EXOC6B: variants seen among roughly 807,000 people sequenced by gnomAD.
The protein encoded by EXOC6B is exocyst complex component 6B, also known as SEC15 homolog B.
EXOC6B carries 54 observed loss-of-function variants against 113.5 expected under a neutral mutation model. That is an observed-to-expected ratio of 0.48 (90% CI 0.38 to 0.60). The LOEUF (loss-of-function observed/expected upper bound fraction) is 0.60. Among genes scored for constraint, EXOC6B ranks in the 20% least tolerant of loss-of-function variants. EXOC6B has a pLI of 0.00. For synonymous variants in EXOC6B, 357 were observed against 339.0 expected (o/e 1.05, Z -0.58); for missense variants, 797 against 977.5 (o/e 0.82, Z 2.46).
intron 20 of EXOC6B, among the ~76,000 whole-genome samples, chr2:72,222,372 G>A (rs935620402): frequency 2.6e-5 from 4 of 152,146 alleles, no homozygotes; most frequent in African/African-American, 9.7e-5. Context: ...TGTTTTTTGT[G>A]TAGACCACAA....
chr2:72,755,011 G>A (rs975959685), intron 1 of EXOC6B, among the ~76,000 whole-genome samples: 3 of 152,084 alleles, frequency 2.0e-5, no homozygotes, highest in Non-Finnish European at 2.9e-5. Flanking sequence ...TTGATAAGGA[G>A]TGTATGATAA....
At position 72,807,906 on chromosome 2, in the gene EXOC6B, T is replaced by C. The variant is rs559456926; in HGVS notation, c.113+17892A>G. Among the ~76,000 whole-genome samples the C allele has an allele frequency of 4.6e-5, 7 of 152,220 alleles. No individual in the cohort carries two copies. In the South Asian group the frequency reaches 1.0e-3, roughly 23 times the overall value. On this transcript the variant is annotated intron_variant, in intron 1 of 21. Transcript: ENST00000272427. Reference sequence around the variant, plus strand: ...ATTTAATAGCACAACAGGATGACTATAGTCAATAATAATTTAACTGTACAT... The same window carrying C: ...ATTTAATAGCACAACAGGATGACTACAGTCAATAATAATTTAACTGTACAT...
At position 72,733,052 on chromosome 2, in the gene EXOC6B, A is replaced by G; in HGVS notation, c.327+19T>C. 1.3e-6 allele frequency: 2 copies of G among 1,557,454 alleles called. No individual in the cohort carries two copies. Among genetic ancestry groups the G allele is most frequent in the South Asian group, 2.3e-5 (2 of 85,980 alleles). On this transcript the variant is annotated intron_variant, in intron 3 of 21. Coordinates refer to ENST00000272427, the MANE Select transcript of EXOC6B (RefSeq NM_015189.3). ...GCATGAAACAGAAAAGATTTCTTCA[A>G]AAGGTAAACTGGTCTTACTTCCTTT...
At chr2:72,470,424 A>C (rs1698325809) in intron 17 of EXOC6B, among the ~76,000 whole-genome samples, 1 of 151,896 alleles carries the variant, frequency 6.6e-6, no homozygotes, top group Non-Finnish European at 1.5e-5. Flanking sequence ...TTGTATGTTG[A>C]TTTTATATCC....
chr2:72,559,360 T>A, intron 8 of EXOC6B, 93 bp downstream of exon 8: 1 of 854,974 alleles, frequency 1.2e-6, no homozygotes, highest in Non-Finnish European at 1.7e-6. Context: ...TTTTTCACTC[T>A]TAATAATAAA....
intron 6 of EXOC6B, among the ~76,000 whole-genome samples, chr2:72,681,546 C>T (rs552630302): frequency 1.3e-5 from 2 of 152,252 alleles, no homozygotes. Flanking sequence ...TTTATAGCAG[C>T]TCTTAGCCAC....
At chr2:72,769,157 C>T (rs533737796) in intron 1 of EXOC6B, among the ~76,000 whole-genome samples, 1 of 152,246 alleles carries the variant, frequency 6.6e-6, no homozygotes, top group South Asian at 2.1e-4. Flanking sequence ...GAAATACAGA[C>T]ATTATTCATA....
chr2:72,638,579 C>A (rs1406278513), intron 6 of EXOC6B, among the ~76,000 whole-genome samples: 3 of 152,176 alleles, frequency 2.0e-5, no homozygotes, highest in Non-Finnish European at 2.9e-5. Context: ...TCCTGGCCCA[C>A]AATAGCCCCA....
intron 20 of EXOC6B, among the ~76,000 whole-genome samples, chr2:72,292,340 C>T (rs1685850304): frequency 6.6e-6 from 1 of 152,020 alleles, no homozygotes; most frequent in Non-Finnish European, 1.5e-5. Flanking sequence ...AATATAATTT[C>T]TGTTCTGAAA....
intron 8 of EXOC6B, among the ~76,000 whole-genome samples, chr2:72,521,817 C>G (rs1011857423): frequency 6.6e-6 from 1 of 152,144 alleles, no homozygotes; most frequent in Non-Finnish European, 1.5e-5. Flanking sequence ...CTGCCTCAGC[C>G]TCCTGAGTAG....
At chr2:72,389,863 T>A (rs1217079445) in intron 18 of EXOC6B, among the ~76,000 whole-genome samples, 1 of 152,182 alleles carries the variant, frequency 6.6e-6, no homozygotes, top group South Asian at 2.1e-4. Context: ...CTTTCAAAAA[T>A]TTTTAGTCAC....
At chr2:72,527,438 C>A (rs750775349) in intron 8 of EXOC6B, among the ~76,000 whole-genome samples, 44 of 151,950 alleles carry the variant, frequency 2.9e-4, no homozygotes, top group Non-Finnish European at 5.0e-4. Context: ...AGGTATTTAA[C>A]AATTCACCTG....
chr2:72,345,053 T>C (rs1200764926), intron 19 of EXOC6B, among the ~76,000 whole-genome samples: 2 of 152,060 alleles, frequency 1.3e-5, no homozygotes, highest in Non-Finnish European at 2.9e-5. Flanking sequence ...TAAGCTGCTT[T>C]GGGAACACAC....
At chr2:72,647,759 C>T (rs1573551072) in intron 6 of EXOC6B, among the ~76,000 whole-genome samples, 1 of 152,290 alleles carries the variant, frequency 6.6e-6, no homozygotes, top group East Asian at 1.9e-4. Context: ...CCCTTTCTTA[C>T]ACCTTATACA....
At chr2:72,794,583 G>A (rs1684845443) in intron 1 of EXOC6B, among the ~76,000 whole-genome samples, 1 of 152,174 alleles carries the variant, frequency 6.6e-6, no homozygotes, top group Non-Finnish European at 1.5e-5. Context: ...GATAGATTAT[G>A]ATCAAACCAG....
intron 8 of EXOC6B, among the ~76,000 whole-genome samples, chr2:72,552,625 A>C (rs1177521806): frequency 1.3e-5 from 2 of 152,130 alleles, no homozygotes; most frequent in Admixed American, 1.3e-4. Context: ...AAAAATAAAA[A>C]ATAAAGCAAC....
intron 16 of EXOC6B, among the ~76,000 whole-genome samples, chr2:72,486,112 G>GT (rs1307444122): frequency 6.6e-6 from 1 of 152,204 alleles, no homozygotes; most frequent in Non-Finnish European, 1.5e-5. Flanking sequence ...GCTCATGCCT[G>GT]TAATCCCAGC....
chr2:72,662,748 T>C (rs1186594854), intron 6 of EXOC6B, among the ~76,000 whole-genome samples: 3 of 143,324 alleles, frequency 2.1e-5, no homozygotes, highest in African/African-American at 7.5e-5. Context: ...CCGTTTAGCC[T>C]TTTTTTTTTT....
intron 2 of EXOC6B, among the ~76,000 whole-genome samples, chr2:72,738,363 G>T (rs1573717519): frequency 6.6e-6 from 1 of 152,128 alleles, no homozygotes. Context: ...CTCTATTCCA[G>T]ATATATGAGA....
Sources: allele counts gnomAD v4.1 joint callset (sites outside exome capture counted in the v4.1 genomes callset), GRCh38; gene constraint gnomAD v4.1.1; transcripts MANE v1.5; gene names NCBI Gene and HGNC (gene_info 2026-07-23, HGNC 2026-07-21).